The following KCNMA1 variants were observed in gnomAD, a reference collection of about 807,000 sequenced individuals.
The protein encoded by KCNMA1 is potassium calcium-activated channel subfamily M alpha 1.
Under a neutral mutation model 140.0 loss-of-function variants are expected in KCNMA1, and 29 were observed. The ratio of observed to expected loss-of-function variants is 0.21; its 90% CI spans 0.15 to 0.28. The LOEUF is 0.28. Ranked by LOEUF, KCNMA1 falls within the 10% of genes least tolerant of loss-of-function variation. The pLI is 1.00. For synonymous variants in KCNMA1, 612 were observed against 611.9 expected (o/e 1.00, Z 0.00); for missense variants, 880 against 1,602.2 (o/e 0.55, Z 7.70).
At chr10:76,873,035 A>C (rs989248092), downstream of KCNMA1, 1 of 152,064 alleles carries the variant, frequency 6.6e-6, no homozygotes, top group African/African-American at 2.4e-5. Context: ...TCTTTCTCCA[A>C]TCTATCCATG....
At chr10:77,217,051 T>A (rs2047997313) in intron 3 of KCNMA1, among the ~76,000 whole-genome samples, 1 of 152,144 alleles carries the variant, frequency 6.6e-6, no homozygotes, top group African/African-American at 2.4e-5. Context: ...ACGCTTTTAA[T>A]CCCAGCACTT....
At chr10:77,412,044 AG>A (rs2096631169) in intron 1 of KCNMA1, among the ~76,000 whole-genome samples, 1 of 152,176 alleles carries the variant, frequency 6.6e-6, no homozygotes, top group Non-Finnish European at 1.5e-5. Context: ...AGTGGGAGGT[AG>A]GGTTCTGACA....
At chr10:77,577,054 G>C (rs967036581) in intron 1 of KCNMA1, among the ~76,000 whole-genome samples, 4 of 151,902 alleles carry the variant, frequency 2.6e-5, no homozygotes, top group Non-Finnish European at 5.9e-5. Context: ...CCAAACAGGA[G>C]GTAACAGCAG....
At chr10:77,172,985 C>A (rs2098721668) in intron 5 of KCNMA1, among the ~76,000 whole-genome samples, 2 of 152,088 alleles carry the variant, frequency 1.3e-5, no homozygotes, top group Non-Finnish European at 2.9e-5. Context: ...AGGGCTCCAC[C>A]CTCATGATCT....
At chr10:77,197,715 T>C (rs1444507556) in intron 3 of KCNMA1, among the ~76,000 whole-genome samples, 1 of 151,926 alleles carries the variant, frequency 6.6e-6, no homozygotes, top group Non-Finnish European at 1.5e-5. Context: ...CTGGTTAACC[T>C]GGAGGCGACA....
In KCNMA1 at chr10:77,352,021, T is replaced by C. The variant is rs1199187829; in HGVS notation, c.540+51841A>G. 2.6e-5 allele frequency among the ~76,000 whole-genome samples: 4 copies of C among 152,334 alleles called. No homozygotes were observed. The East Asian group carries it at 7.7e-4, about 29-fold the overall frequency. On this transcript the variant is annotated intron_variant, in intron 2 of 27. Transcript: ENST00000286628. The stretch of plus-strand genomic sequence containing the variant: ...GACCAGTGCTAGACTTGCCAGACAA[T>C]GTGCCTGAATAGTCTCCCTGAACTT...
intron 9 of KCNMA1, among the ~76,000 whole-genome samples, chr10:77,101,185 C>A (rs557701670): frequency 6.6e-6 from 1 of 152,218 alleles, no homozygotes; most frequent in Non-Finnish European, 1.5e-5. Context: ...CACCAAGACC[C>A]CTCTCATCAG....
intron 1 of KCNMA1, among the ~76,000 whole-genome samples, chr10:77,577,449 ACT>A (rs1025267923): frequency 1.3e-5 from 2 of 152,004 alleles, no homozygotes; most frequent in African/African-American, 4.8e-5. Flanking sequence ...AGAGACCGAG[ACT>A]CAGCCTCCTT....
At chr10:77,603,257 A>G (rs58480979) in intron 1 of KCNMA1, among the ~76,000 whole-genome samples, 40,352 of 151,832 alleles carry the variant, frequency 0.27, 5,426 homozygotes, top group Middle Eastern at 0.39. Flanking sequence ...CGTTCGCAGG[A>G]CTTCCTGCAG....
At chr10:77,174,499 A>G (rs2098736111) in intron 5 of KCNMA1, among the ~76,000 whole-genome samples, 2 of 152,224 alleles carry the variant, frequency 1.3e-5, no homozygotes, top group Non-Finnish European at 2.9e-5. Flanking sequence ...CTCCGCAGCC[A>G]ATGAGCCACA....
At chr10:77,568,694 T>G (rs1408456315) in intron 1 of KCNMA1, among the ~76,000 whole-genome samples, 1 of 149,190 alleles carries the variant, frequency 6.7e-6, no homozygotes, top group African/African-American at 2.5e-5. Context: ...ATGCCCTCTC[T>G]CACCACTCCT....
chr10:77,370,987 CACA>C (rs1231151647), intron 2 of KCNMA1, among the ~76,000 whole-genome samples: 2 of 152,176 alleles, frequency 1.3e-5, no homozygotes, highest in African/African-American at 2.4e-5. Flanking sequence ...GTGCTCTTTG[CACA>C]ACAACACCAT....
intron 21 of KCNMA1, 46 bp from the exon 22 acceptor site, chr10:76,949,412 G>T (rs1479199842): frequency 2.1e-6 from 3 of 1,459,390 alleles, no homozygotes; most frequent in Non-Finnish European, 2.9e-6. Context: ...AGACTGCATA[G>T]GGCTGTTGTA....
chr10:77,113,770 A>AT (rs1445968667), intron 6 of KCNMA1, among the ~76,000 whole-genome samples: 1 of 152,102 alleles, frequency 6.6e-6, no homozygotes, highest in East Asian at 1.9e-4. Context: ...AGCCCAGTTT[A>AT]TTTTTTAAAT....
At chr10:77,217,503 G>A (rs1455391811) in intron 3 of KCNMA1, 2 of 456,362 alleles carry the variant, frequency 4.4e-6, no homozygotes, top group East Asian at 7.0e-5. Flanking sequence ...AATATTCTTG[G>A]CCACCCTGGA....
chr10:77,588,081 T>G (rs922957014), intron 1 of KCNMA1, among the ~76,000 whole-genome samples: 1 of 152,200 alleles, frequency 6.6e-6, no homozygotes, highest in East Asian at 1.9e-4. Context: ...TCTAATTCCA[T>G]GGGAATGAAG....
chr10:77,230,524 T>A (rs1209723973), intron 3 of KCNMA1, among the ~76,000 whole-genome samples: 1 of 152,230 alleles, frequency 6.6e-6, no homozygotes, highest in Non-Finnish European at 1.5e-5. Flanking sequence ...TTGCACTGCA[T>A]TCTTTGTGGA....
In KCNMA1 at chr10:77,392,868, C is replaced by T. The variant is rs572417203; in HGVS notation, c.540+10994G>A. Among the ~76,000 whole-genome samples the T allele has an allele frequency of 6.6e-5, 10 of 152,354 alleles. No individual in the cohort carries two copies. In the South Asian group the frequency reaches 2.1e-3, roughly 32 times the overall value. On this transcript the variant is annotated intron_variant, in intron 2 of 27. Transcript: ENST00000286628. Reference sequence around the variant, plus strand: ...CTGTCCCTGCCCTGTCAGCCTCGCCCCACCTCCAGGGAGAAGTGGATACGG... The same window carrying T: ...CTGTCCCTGCCCTGTCAGCCTCGCCTCACCTCCAGGGAGAAGTGGATACGG...
chr10:77,560,306 C>A (rs2065934905), intron 1 of KCNMA1, among the ~76,000 whole-genome samples: 1 of 152,214 alleles, frequency 6.6e-6, no homozygotes, highest in Admixed American at 6.5e-5. Context: ...AAACAGAGTA[C>A]TGCATATTAA....
Sources: gnomAD v4.1 joint callset for allele counts (sites outside exome capture counted in the v4.1 genomes callset) on GRCh38, gnomAD v4.1.1 for gene constraint, MANE v1.5 for transcripts, NCBI Gene and HGNC (gene_info 2026-07-23, HGNC 2026-07-21) for gene names.